The following MYH7 variants were observed in gnomAD, a reference collection of about 807,000 sequenced individuals.
MYH7 encodes myosin-7.
MYH7 carries 129 observed loss-of-function variants against 225.4 expected under a neutral mutation model. The ratio of observed to expected loss-of-function variants is 0.57; its 90% CI spans 0.50 to 0.66. MYH7 has a LOEUF of 0.66. Among genes scored for constraint, MYH7 ranks in the 30% least tolerant of loss-of-function variants. The pLI, the probability that MYH7 is intolerant of heterozygous loss-of-function variation, is 0.00. For synonymous variants in MYH7, 971 were observed against 1,007.6 expected (o/e 0.96, Z 0.69); for missense variants, 1,649 against 2,517.0 (o/e 0.66, Z 7.38).
rs1332209177 is a variant in MYH7, at chr14:23,426,017, G to A, written c.2109C>T (p.Arg703=). 1 of 1,614,190 alleles carries A rather than the reference G, an allele frequency of 6.2e-7. No homozygotes were observed. Among genetic ancestry groups the A allele is most frequent in the South Asian group, 1.1e-5 (1 of 91,078 alleles). Residue 703 remains arginine (R), a synonymous_variant, in exon 19 of 40, where the codon CGC becomes CGT. Coordinates refer to ENST00000355349, the MANE Select transcript of MYH7 (RefSeq NM_000257.4). ...GGTTGGGGAAGCCTTTCCTGCAGAT[G>A]CGGATGCCCTCCAGCACACCATTGC... ...LRCNGVLEGI[R]ICRKGFPNRI...
Position 23,416,824 on chromosome 14 carries a change from T to C in MYH7, c.4644+44A>G, listed in dbSNP as rs1892231446. 5.0e-6 allele frequency: 8 copies of C among 1,613,392 alleles called. No homozygotes were observed. The East Asian group carries it at 1.8e-4, about 36-fold the overall frequency. On this transcript the variant is annotated intron_variant, in intron 33 of 39. Transcript: ENST00000355349. ...GGGATGAGAACAGGGACCAAAAGCC[T>C]GGAGCTCAGCTCCCTGCACCCCGTG...
chr14:23,433,528 C>G lies in MYH7; in HGVS notation c.201+4G>C, dbSNP rs748711806. 7 of 1,613,666 alleles carry G rather than the reference C, an allele frequency of 4.3e-6. No individual in the cohort carries two copies. In the Admixed American group the frequency reaches 1.2e-4, roughly 27 times the overall value. ...GTGGACTCTCACATCAGCCTGACAC[C>G]CACCTTGCCATACTCGGTCTCGGCA... On this transcript the variant is annotated splice_donor_region_variant and intron_variant, in intron 3 of 39. Transcript: ENST00000355349. This position sits in a 1 kb window ranked among gnomAD's most constrained non-coding sequence, Gnocchi z 4.1.
rs143276274 is a variant in MYH7, at chr14:23,416,854, G to GCACA, written c.4644+10_4644+13dup. The GCACA allele has an allele frequency of 1.9e-6, 3 of 1,610,506 alleles. No individual in the cohort carries two copies. The highest frequency in any genetic ancestry group is 2.5e-6 in the Non-Finnish European group (3 of 1,177,752). Reference sequence around the variant, plus strand: ...CTCAGCTCCCTGCACCCCGTGCCCTGCACACACACACACCTCGGCCTCCTC... The same window carrying GCACA: ...CTCAGCTCCCTGCACCCCGTGCCCTGCACACACACACACACACCTCGGCCTCCTC... On this transcript the variant is annotated intron_variant, in intron 33 of 39. Transcript: ENST00000355349.
chr14:23,429,735 C>T, intron 12 of MYH7, 40 bp downstream of exon 12: 1 of 1,609,826 alleles, frequency 6.2e-7, no homozygotes, highest in Non-Finnish European at 8.5e-7. Flanking sequence ...CATGGCCCTC[C>T]ATGACTTGAC....
rs562465062 is a variant in MYH7 at position 23,415,419 on chromosome 14, T to G, written c.5245A>C (p.Arg1749=). The change falls in exon 36 of 40, where the codon AGG becomes CGG. Residue 1749 remains arginine, a synonymous_variant. Transcript: ENST00000355349. This position sits in a 1 kb window ranked among gnomAD's most constrained non-coding sequence, Gnocchi z 6.3. ...TTCTTGGCCTTCTCCTCAGCATTCC[T>G]GCACTCCTGCACTGCCTCCTCCACT... is the stretch of plus-strand genomic sequence containing the variant. The part of the protein sequence containing the change: ...TEVEEAVQEC[R]NAEEKAKKAI... 5.6e-6 allele frequency: 9 copies of G among 1,614,228 alleles called. No homozygotes were observed. Among genetic ancestry groups the G allele is most frequent in the South Asian group, 1.1e-5 (1 of 91,084 alleles).
Position 23,432,366 on chromosome 14 carries a change from G to A in MYH7, c.530+113C>T, listed in dbSNP as rs139289592. On this transcript the variant is annotated intron_variant, in intron 6 of 39. Coordinates refer to ENST00000355349, the MANE Select transcript of MYH7 (RefSeq NM_000257.4). ...GGTCAGAGAAGAAGGAGATGGGCAC[G>A]AGGTTGGGGGGAAAGAGGCTGAGTC... 1.1e-4 allele frequency: 145 copies of A among 1,334,730 alleles called. No homozygotes were observed. In the East Asian group the frequency reaches 3.1e-3, roughly 29 times the overall value. The allele number at this position is 1,334,730 out of a possible 1,614,324, so 82.7% of individuals were successfully genotyped here. A position where few individuals can be genotyped will look rare whatever the true frequency, so the allele number is the denominator to read the frequency against.
intron 13 of MYH7, 36 bp downstream of exon 13, chr14:23,429,193 C>A (rs1473610423): frequency 6.2e-7 from 1 of 1,608,264 alleles, no homozygotes; most frequent in Non-Finnish European, 8.5e-7. Context: ...AGTCTCCCTA[C>A]CCTGCCCACC....
At position 23,433,736 on chromosome 14, in the gene MYH7, T is replaced by C. The variant is rs1264687175; in HGVS notation, c.-4A>G. 1.2e-6 allele frequency: 2 copies of C among 1,613,638 alleles called. No homozygotes were observed. The highest frequency in any genetic ancestry group is 1.3e-5 in the African/African-American group (1 of 74,954). ...CTGCCATCTCCGAATCTCCCATGGC[T>C]GTGCCTGGAGTGAGCAGAAGCTGGC... On this transcript the variant is annotated 5_prime_UTR_variant, in exon 3 of 40. Coordinates refer to ENST00000355349, the MANE Select transcript of MYH7 (RefSeq NM_000257.4). The surrounding 1 kb of genome is among the most constrained non-coding windows in gnomAD (Gnocchi z 4.1).
At position 23,432,788 on chromosome 14, in the gene MYH7, G is replaced by C; in HGVS notation, c.353C>G (p.Ser118Trp). 6.2e-7 allele frequency: 1 copy of C among 1,614,204 alleles called. No individual in the cohort carries two copies. The highest frequency in any genetic ancestry group is 8.5e-7 in the Non-Finnish European group (1 of 1,180,038). The change falls in exon 5 of 40, where the codon TCG (serine) becomes TGG (tryptophan). Residue 118 changes from serine (S) to tryptophan (W), a missense_variant. By Grantham distance (177) the Ser-to-Trp change is radical. Transcript: ENST00000355349. ...GTTGACGGTGACACAGAAGAGGCCC[G>C]AGTAGGTCTGGGGATAGAAAAGGAG... ...RYGSWMIYTY[S>W]GLFCVTVNPY...
intron 39 of MYH7, among the ~76,000 whole-genome samples, 195 bp downstream of exon 39, chr14:23,413,564 C>T (rs1892055647): frequency 9.3e-6 from 1 of 107,820 alleles, no homozygotes; most frequent in Admixed American, 8.4e-5. Context: ...GAGACACCGT[C>T]TCAAAAAAAA....
At chr14:23,418,080 G>A (rs374406247) in intron 30 of MYH7, 130 bp downstream of exon 30, 75 of 1,362,842 alleles carry the variant, frequency 5.5e-5, no homozygotes, top group Admixed American at 2.3e-4. Flanking sequence ...AGGTGGGGCC[G>A]GGGCAGAGTC....
intron 29 of MYH7, 137 bp downstream of exon 29, chr14:23,419,040 G>C: frequency 1.2e-6 from 1 of 857,204 alleles, no homozygotes; most frequent in Non-Finnish European, 2.0e-6. Flanking sequence ...GCAGGGTTTG[G>C]GCTGTGATTT....
At position 23,433,639 on chromosome 14, in the gene MYH7, C is replaced by A; in HGVS notation, c.94G>T (p.Asp32Tyr). The A allele has an allele frequency of 6.2e-7, 1 of 1,614,240 alleles. No individual in the cohort carries two copies. The highest frequency in any genetic ancestry group is 8.5e-7 in the Non-Finnish European group (1 of 1,180,044). The change falls in exon 3 of 40, where the codon GAC (aspartate) becomes TAC (tyrosine). Residue 32 changes from aspartate to tyrosine, a missense_variant. By Grantham distance (160) the Asp-to-Tyr change is radical. Around this residue, in one of 12 missense-constraint regions of MYH7, gnomAD observed 91 missense variants for 96.5 expected, o/e 0.94. Coordinates refer to ENST00000355349, the MANE Select transcript of MYH7 (RefSeq NM_000257.4). The surrounding 1 kb of genome is among the most constrained non-coding windows in gnomAD (Gnocchi z 4.1). ...GGCACGAAGACATCCTTCTTGAGGT[C>A]AAAAGGCCTGGTCTGCGCTTCTAGC... ...ERLEAQTRPF[D>Y]LKKDVFVPDD... is the part of the protein sequence containing the mutation.
rs779595378 is a variant in MYH7, at chr14:23,415,444, T to C, written c.5220A>G (p.Glu1740=). 6.2e-7 allele frequency: 1 copy of C among 1,614,222 alleles called. No individual in the cohort carries two copies. Among genetic ancestry groups the C allele is most frequent in the South Asian group, 1.1e-5 (1 of 91,084 alleles). Residue 1740 remains glutamate, a synonymous_variant, in exon 36 of 40, where the codon GAA becomes GAG. Transcript: ENST00000355349. The surrounding 1 kb of genome is among the most constrained non-coding windows in gnomAD (Gnocchi z 6.3). ...MDADLSQLQT[E]VEEAVQECRN... is the part of the protein sequence containing the mutation. The stretch of plus-strand genomic sequence containing the variant: ...TGCACTCCTGCACTGCCTCCTCCAC[T>C]TCAGTCTGGAGCTGGGACAGGTCAG...
At chr14:23,414,952 G>GCTATGGTGC in intron 37 of MYH7, 43 bp downstream of exon 37, 1 of 1,601,766 alleles carries the variant, frequency 6.2e-7, no homozygotes, top group Non-Finnish European at 8.5e-7. Flanking sequence ...TGTCACTGTG[G>GCTATGGTGC]CTATGGTGCC....
chr14:23,428,027 G>A, intron 15 of MYH7, 133 bp from the exon 16 acceptor site: 1 of 1,144,122 alleles, frequency 8.7e-7, no homozygotes, highest in South Asian at 1.5e-5. Context: ...TCTGAGTACA[G>A]TTATCTACTG....
chr14:23,433,125 G>C lies in MYH7; in HGVS notation c.304C>G (p.Leu102Val). The C allele has an allele frequency of 6.2e-7, 1 of 1,614,138 alleles. No homozygotes were observed. Among genetic ancestry groups the C allele is most frequent in the Non-Finnish European group, 8.5e-7 (1 of 1,180,016 alleles). Residue 102 changes from leucine to valine, a missense_variant, in exon 4 of 40, where the codon CTC becomes GTC. Physicochemically the swap from Leu to Val is conservative, Grantham distance 32. Coordinates refer to ENST00000355349, the MANE Select transcript of MYH7 (RefSeq NM_000257.4). This position sits in a 1 kb window ranked among gnomAD's most constrained non-coding sequence, Gnocchi z 4.1. ...CCGTAGCGATCCTTGAGGTTGTAGA[G>C]CACCGCGGGCTCATGCAGGAAGGTC... ...MLTFLHEPAV[L>V]YNLKDRYGSW...
intron 18 of MYH7, among the ~76,000 whole-genome samples, 174 bp downstream of exon 18, chr14:23,426,603 G>A (rs1264754632): frequency 1.3e-5 from 2 of 152,212 alleles, no homozygotes; most frequent in Non-Finnish European, 2.9e-5. Flanking sequence ...ATTACACACT[G>A]CAAGTGCAAG....
chr14:23,432,366 G>C, intron 6 of MYH7, 113 bp downstream of exon 6: 5 of 1,334,730 alleles, frequency 3.7e-6, no homozygotes, highest in Non-Finnish European at 5.4e-6. Flanking sequence ...AGATGGGCAC[G>C]AGGTTGGGGG....
Sources: gnomAD v4.1 joint callset for allele counts (sites outside exome capture counted in the v4.1 genomes callset) on GRCh38, gnomAD v4.1.1 for gene constraint, gnomAD v4.1.1 regional missense constraint, Gnocchi (gnomAD v3.1) non-coding constraint, MANE v1.5 for transcripts, NCBI Gene and HGNC (gene_info 2026-07-23, HGNC 2026-07-21) for gene names.